Variants in PPARGC1A observed in about 807,000 individuals in gnomAD.
The protein encoded by PPARGC1A is PPARG coactivator 1 alpha.
In PPARGC1A, 25 loss-of-function variants were observed where a neutral mutation model predicts 88.7. That is an observed-to-expected ratio of 0.28 (90% confidence interval 0.21 to 0.39). The LOEUF is 0.39. Ranked by LOEUF, PPARGC1A falls within the 10% of genes least tolerant of loss-of-function variation. PPARGC1A has a pLI of 1.00. For synonymous variants in PPARGC1A, 363 were observed against 355.6 expected, an observed-to-expected ratio of 1.02 and a Z score of -0.24; for missense variants, 880 against 968.7, an observed-to-expected ratio of 0.91 and a Z score of 1.22.
At chr4:24,307,588 G>A in the PPARGC1A span, among the ~76,000 whole-genome samples, 1 of 152,178 alleles carries the variant, frequency 6.6e-6, no homozygotes, top group Admixed American at 6.5e-5. Flanking sequence ...AATTAGGAGA[G>A]TTAAGAGTCC....
chr4:24,072,135 A>AT, the PPARGC1A span, among the ~76,000 whole-genome samples: 1 of 147,214 alleles, frequency 6.8e-6, no homozygotes, highest in Non-Finnish European at 1.5e-5. Context: ...TATATTTATA[A>AT]TTTTTTATTT....
chr4:24,366,369 A>C, the PPARGC1A span, among the ~76,000 whole-genome samples: 1 of 152,156 alleles, frequency 6.6e-6, no homozygotes, highest in African/African-American at 2.4e-5. Flanking sequence ...TTTATGTGGG[A>C]GCTGAAATTT....
At chr4:24,152,718 T>C in the PPARGC1A span, among the ~76,000 whole-genome samples, 1 of 152,240 alleles carries the variant, frequency 6.6e-6, no homozygotes, top group Non-Finnish European at 1.5e-5. Context: ...GAGTTAACTG[T>C]TGAGATTCCA....
At chr4:24,329,618 C>T in the PPARGC1A span, among the ~76,000 whole-genome samples, 1 of 152,176 alleles carries the variant, frequency 6.6e-6, no homozygotes, top group Non-Finnish European at 1.5e-5. Context: ...ATCAGGCAAG[C>T]TCCTCCATTA....
the PPARGC1A span, among the ~76,000 whole-genome samples, chr4:23,988,931 TTA>T: frequency 1.4e-5 from 2 of 147,466 alleles, no homozygotes; most frequent in Non-Finnish European, 3.0e-5. Flanking sequence ...ATATACTATA[TTA>T]TATATAATAT....
the PPARGC1A span, among the ~76,000 whole-genome samples, chr4:24,392,144 G>GA: frequency 6.6e-6 from 1 of 151,982 alleles, no homozygotes; most frequent in Non-Finnish European, 1.5e-5. Flanking sequence ...AAAACCCAAT[G>GA]AAAAAAATTA....
chr4:23,812,598 C>CTT, intron 10 of PPARGC1A, 149 bp downstream of exon 10: 1 of 1,231,364 alleles, frequency 8.1e-7, no homozygotes, highest in South Asian at 1.5e-5. Context: ...GGACCGAAGA[C>CTT]TTATGGATAT....
the PPARGC1A span, among the ~76,000 whole-genome samples, chr4:24,200,146 C>A: frequency 6.6e-6 from 1 of 151,926 alleles, no homozygotes; most frequent in African/African-American, 2.4e-5. Context: ...GAGAGCAAGT[C>A]ATAGAAGGGA....
chr4:23,947,855 G>A, the PPARGC1A span, among the ~76,000 whole-genome samples: 1 of 152,060 alleles, frequency 6.6e-6, no homozygotes, highest in Non-Finnish European at 1.5e-5. Context: ...AAATTATATG[G>A]TTTTTCTTCC....
the PPARGC1A span, among the ~76,000 whole-genome samples, chr4:23,933,933 A>G: frequency 6.6e-6 from 1 of 152,206 alleles, no homozygotes; most frequent in African/African-American, 2.4e-5. Context: ...GTGTCTCCCA[A>G]TATCCTTTGC....
the PPARGC1A span, among the ~76,000 whole-genome samples, chr4:24,000,497 A>C: frequency 6.9e-5 from 7 of 100,958 alleles, no homozygotes; most frequent in African/African-American, 2.5e-4. Flanking sequence ...AATACATCTT[A>C]AAAATGCAGC....
chr4:23,863,351 T>C (rs1560467510), intron 2 of PPARGC1A, among the ~76,000 whole-genome samples: 2 of 152,160 alleles, frequency 1.3e-5, no homozygotes, highest in Non-Finnish European at 2.9e-5. Flanking sequence ...TGTCTTTTTT[T>C]CTGCTCCTCC....
the PPARGC1A span, among the ~76,000 whole-genome samples, chr4:24,459,568 T>C: frequency 6.6e-6 from 1 of 151,628 alleles, no homozygotes; most frequent in Non-Finnish European, 1.5e-5. Flanking sequence ...AGGCAGGCAA[T>C]AGCTTGAGCT....
At chr4:23,801,231 T>C (rs545626198) in intron 12 of PPARGC1A, among the ~76,000 whole-genome samples, 9 of 151,816 alleles carry the variant, frequency 5.9e-5, no homozygotes, top group African/African-American at 2.2e-4. Flanking sequence ...TAAACACATG[T>C]AGACACATAC....
the PPARGC1A span, among the ~76,000 whole-genome samples, chr4:23,919,410 G>C: frequency 6.6e-6 from 1 of 151,850 alleles, no homozygotes; most frequent in Non-Finnish European, 1.5e-5. Context: ...CTAAAATATA[G>C]AGATGGCAAC....
the PPARGC1A span, among the ~76,000 whole-genome samples, chr4:24,150,268 G>A: frequency 1.3e-5 from 2 of 152,192 alleles, no homozygotes; most frequent in Non-Finnish European, 2.9e-5. Flanking sequence ...CCAACTCACT[G>A]TGGGATTTGC....
At chr4:24,273,199 G>A in the PPARGC1A span, among the ~76,000 whole-genome samples, 1 of 152,186 alleles carries the variant, frequency 6.6e-6, no homozygotes, top group Admixed American at 6.5e-5. Context: ...GAGAGCTTGG[G>A]GAGCTGCTTG....
chr4:23,961,626 T>A, the PPARGC1A span, among the ~76,000 whole-genome samples: 52,608 of 151,822 alleles, frequency 0.35, 9,548 homozygotes, highest in Middle Eastern at 0.43. Flanking sequence ...TGTAACCACA[T>A]GGTGCCAGAA....
At chr4:24,165,012 A>G in the PPARGC1A span, among the ~76,000 whole-genome samples, 1 of 152,138 alleles carries the variant, frequency 6.6e-6, no homozygotes, top group Non-Finnish European at 1.5e-5. Flanking sequence ...GACACAACTA[A>G]AAGGAGTAGC....
Sources: gnomAD v4.1 joint callset for allele counts (sites outside exome capture counted in the v4.1 genomes callset) on GRCh38, gnomAD v4.1.1 for gene constraint, MANE v1.5 for transcripts, NCBI Gene and HGNC (gene_info 2026-07-23, HGNC 2026-07-21) for gene names.